CHSY3: variants seen among roughly 807,000 people sequenced by gnomAD.
The protein encoded by CHSY3 is N-acetylgalactosaminyl-proteoglycan 3-beta-glucuronosyltransferase 3.
A neutral mutation model predicts 67.2 loss-of-function variants in CHSY3; 35 were observed. The observed-to-expected ratio is 0.52, with a 90% CI of 0.40 to 0.69. The LOEUF (loss-of-function observed/expected upper bound fraction) is 0.69, where lower values mean the gene tolerates loss of function less well. CHSY3 is among the 30% of genes least tolerant of loss of function. The pLI, the probability that CHSY3 is intolerant of heterozygous loss-of-function variation, is 0.00. For synonymous variants in CHSY3, 474 were observed against 434.7 expected (o/e 1.09, Z -1.12); for missense variants, 1,069 against 1,138.5 (o/e 0.94, Z 0.88).
chr5:130,011,591 C>G (rs1190263514), intron 2 of CHSY3, among the ~76,000 whole-genome samples: 1 of 152,160 alleles, frequency 6.6e-6, no homozygotes, highest in Non-Finnish European at 1.5e-5. Context: ...CTGACCACTC[C>G]TATTCAACAT....
chr5:130,101,322 A>G (rs1767236585), intron 2 of CHSY3, among the ~76,000 whole-genome samples: 1 of 152,176 alleles, frequency 6.6e-6, no homozygotes, highest in Non-Finnish European at 1.5e-5. Context: ...AGCATAACGC[A>G]AATTTCTCAA....
At chr5:129,968,550 T>A (rs1226183091) in intron 2 of CHSY3, among the ~76,000 whole-genome samples, 1 of 151,828 alleles carries the variant, frequency 6.6e-6, no homozygotes, top group Non-Finnish European at 1.5e-5. Flanking sequence ...AGGATATTGA[T>A]TCCACTTTTG....
intron 2 of CHSY3, among the ~76,000 whole-genome samples, chr5:130,103,858 C>G (rs531863467): frequency 6.6e-6 from 1 of 151,968 alleles, no homozygotes; most frequent in African/African-American, 2.4e-5. Flanking sequence ...TTTACACATG[C>G]CTTGATACAC....
At chr5:129,960,517 T>C (rs1402822679) in intron 2 of CHSY3, among the ~76,000 whole-genome samples, 3 of 152,046 alleles carry the variant, frequency 2.0e-5, no homozygotes, top group African/African-American at 7.2e-5. Flanking sequence ...CCAGTCATCA[T>C]GCTACATTTT....
intron 2 of CHSY3, among the ~76,000 whole-genome samples, chr5:130,099,694 C>T (rs913731534): frequency 1.3e-5 from 2 of 152,264 alleles, no homozygotes; most frequent in Non-Finnish European, 2.9e-5. Flanking sequence ...TTTGTGAATA[C>T]TCTTATAAGT....
intron 2 of CHSY3, among the ~76,000 whole-genome samples, chr5:130,121,522 CAAAT>C (rs957574747): frequency 1.4e-4 from 22 of 152,046 alleles, no homozygotes; most frequent in Non-Finnish European, 2.8e-4. Context: ...CCTTGTAGCT[CAAAT>C]AATAAAGCAT....
chr5:130,078,707 G>A (rs866405905), intron 2 of CHSY3, among the ~76,000 whole-genome samples: 115 of 152,248 alleles, frequency 7.6e-4, no homozygotes, highest in African/African-American at 2.6e-3. Context: ...AAAATACAAA[G>A]TGCCAAAATA....
intron 2 of CHSY3, among the ~76,000 whole-genome samples, chr5:129,988,558 G>C (rs963541921): frequency 6.6e-6 from 1 of 152,134 alleles, no homozygotes; most frequent in Non-Finnish European, 1.5e-5. Flanking sequence ...TATCAGTTGT[G>C]TTCACTGCTA....
At chr5:129,999,015 T>A (rs1408670136) in intron 2 of CHSY3, among the ~76,000 whole-genome samples, 7 of 152,156 alleles carry the variant, frequency 4.6e-5, no homozygotes, top group Admixed American at 1.3e-4. Context: ...GGTTAAATAT[T>A]GTACCATTTT....
intron 2 of CHSY3, among the ~76,000 whole-genome samples, chr5:130,003,614 A>T (rs1763795033): frequency 6.6e-6 from 1 of 152,146 alleles, no homozygotes; most frequent in Non-Finnish European, 1.5e-5. Flanking sequence ...AGGGGTTACC[A>T]GATAGGACAA....
At chr5:130,010,616 AGAAAAT>A (rs1764027820) in intron 2 of CHSY3, among the ~76,000 whole-genome samples, 1 of 152,218 alleles carries the variant, frequency 6.6e-6, no homozygotes, top group Non-Finnish European at 1.5e-5. Context: ...AGCTGGCAGA[AGAAAAT>A]AAATAACCAA....
At chr5:130,050,403 C>A (rs1391627591) in intron 2 of CHSY3, among the ~76,000 whole-genome samples, 2 of 152,070 alleles carry the variant, frequency 1.3e-5, no homozygotes, top group African/African-American at 4.8e-5. Flanking sequence ...GCAACTAGAA[C>A]AAAGAGTGCT....
chr5:130,009,709 G>A (rs145444138), intron 2 of CHSY3, among the ~76,000 whole-genome samples: 3 of 152,218 alleles, frequency 2.0e-5, no homozygotes, highest in Admixed American at 6.5e-5. Context: ...GTTGGATAAT[G>A]AAGTAAGACC....
At chr5:130,113,470 A>G (rs894492379) in intron 2 of CHSY3, among the ~76,000 whole-genome samples, 3 of 152,230 alleles carry the variant, frequency 2.0e-5, no homozygotes, top group African/African-American at 7.2e-5. Flanking sequence ...TTAAAAGAGC[A>G]TTTTTAATTC....
At chr5:130,071,110 C>G (rs1445907574) in intron 2 of CHSY3, among the ~76,000 whole-genome samples, 1 of 151,934 alleles carries the variant, frequency 6.6e-6, no homozygotes, top group Non-Finnish European at 1.5e-5. Flanking sequence ...GGTATCCAAT[C>G]TAGTGCCCAA....
intron 2 of CHSY3, among the ~76,000 whole-genome samples, chr5:130,085,523 G>C (rs1186639476): frequency 6.6e-6 from 1 of 151,928 alleles, no homozygotes; most frequent in Non-Finnish European, 1.5e-5. Context: ...AGTCTTGCTA[G>C]CTGTCTGTCA....
intron 2 of CHSY3, among the ~76,000 whole-genome samples, chr5:129,997,601 G>A (rs1763580756): frequency 6.6e-6 from 1 of 151,980 alleles, no homozygotes; most frequent in African/African-American, 2.4e-5. Flanking sequence ...TTGGTTTGCT[G>A]CACCCATCAA....
At chr5:130,059,407 C>T (rs192897396) in intron 2 of CHSY3, among the ~76,000 whole-genome samples, 60 of 152,024 alleles carry the variant, frequency 3.9e-4, no homozygotes, top group African/African-American at 1.1e-3. Flanking sequence ...CTCTCTCTCT[C>T]GCTCTTCCTC....
intron 2 of CHSY3, among the ~76,000 whole-genome samples, chr5:129,909,892 TTG>T (rs1760474336): frequency 6.6e-6 from 1 of 151,790 alleles, no homozygotes; most frequent in Non-Finnish European, 1.5e-5. Flanking sequence ...TGGGAAATTA[TTG>T]TGTTTTATAG....
Sources: gnomAD v4.1 joint callset for allele counts (sites outside exome capture counted in the v4.1 genomes callset) on GRCh38, gnomAD v4.1.1 for gene constraint, MANE v1.5 for transcripts, NCBI Gene and HGNC (gene_info 2026-07-23, HGNC 2026-07-21) for gene names.